The following TANC2 variants were observed in gnomAD, a reference collection of about 807,000 sequenced individuals.
TANC2 encodes tetratricopeptide repeat, ankyrin repeat and coiled-coil containing 2.
TANC2 carries 26 observed loss-of-function variants against 210.5 expected under a neutral mutation model. The observed-to-expected ratio is 0.12, with a 90% CI of 0.09 to 0.17. The LOEUF is 0.17. Among genes scored for constraint, TANC2 ranks in the 10% least tolerant of loss-of-function variants. The pLI, the probability that TANC2 is intolerant of heterozygous loss-of-function variation, is 1.00. For missense variants in TANC2, 2,129 were observed against 2,608.9 expected, an observed-to-expected ratio of 0.82 and a Z score of 4.01; for synonymous variants, 931 against 967.1, an observed-to-expected ratio of 0.96 and a Z score of 0.69.
rs183558444 is a variant in TANC2, at chr17:63,009,674, A to G, written c.67+48A>G. On this transcript the variant is annotated intron_variant, in intron 2 of 27. Coordinates refer to ENST00000689528, the Ensembl canonical transcript of TANC2. ...TTGTGCGTGATATTTTACAAATACA[A>G]GTTCTTTTAGGGTCCTGAATTAATG... The G allele has an allele frequency of 7.8e-6, 12 of 1,530,824 alleles. No homozygotes were observed. In the African/African-American group the frequency reaches 1.5e-4, roughly 19 times the overall value. 94.8% of individuals were successfully genotyped at this position (1,530,824 alleles called of 1,614,324 possible).
At chr17:63,393,888 A>G (rs950576055) in intron 17 of TANC2, among the ~76,000 whole-genome samples, 4 of 151,194 alleles carry the variant, frequency 2.6e-5, no homozygotes, top group Admixed American at 6.6e-5. Flanking sequence ...CTCCTGCCTC[A>G]CCCTCCGGAG....
intron 14 of TANC2, among the ~76,000 whole-genome samples, chr17:63,358,689 C>A (rs1290688977): frequency 3.3e-5 from 5 of 152,032 alleles, no homozygotes; most frequent in Non-Finnish European, 1.5e-5. Context: ...AGATGGAAAA[C>A]CTATTTGAGG....
At chr17:63,369,409 TTGGAATAGACAGGCTTTTATAC>T (rs1470803806) in intron 14 of TANC2, among the ~76,000 whole-genome samples, 3 of 152,142 alleles carry the variant, frequency 2.0e-5, no homozygotes. Context: ...AATGAGTGGT[TTGGAATAGACAGGCTTTTATAC>T]TGGAAGGCTG....
intron 5 of TANC2, among the ~76,000 whole-genome samples, chr17:63,158,125 G>A (rs186069063): frequency 6.6e-6 from 1 of 152,220 alleles, no homozygotes; most frequent in East Asian, 1.9e-4. Context: ...TTTCATAGTG[G>A]TGTCTAGTTC....
intron 2 of TANC2, among the ~76,000 whole-genome samples, chr17:63,061,937 T>C (rs1038752697): frequency 5.3e-5 from 8 of 152,180 alleles, no homozygotes; most frequent in Non-Finnish European, 1.0e-4. Flanking sequence ...TATAATTCTT[T>C]TCTGATTTCT....
chr17:63,268,904 C>G (rs1031387575), intron 9 of TANC2, among the ~76,000 whole-genome samples: 1 of 152,186 alleles, frequency 6.6e-6, no homozygotes, highest in Non-Finnish European at 1.5e-5. Flanking sequence ...TAGCTTTTAA[C>G]AGATAGTCTC....
At chr17:63,347,972 T>C (rs2046470001) in intron 12 of TANC2, among the ~76,000 whole-genome samples, 1 of 152,138 alleles carries the variant, frequency 6.6e-6, no homozygotes, top group South Asian at 2.1e-4. Flanking sequence ...CTCACGATGT[T>C]GCCCAGGCTG....
At chr17:63,039,645 A>C (rs2035105944) in intron 2 of TANC2, among the ~76,000 whole-genome samples, 1 of 152,214 alleles carries the variant, frequency 6.6e-6, no homozygotes, top group African/African-American at 2.4e-5. Context: ...GATAACCGTC[A>C]ATATGATCCA....
intron 8 of TANC2, among the ~76,000 whole-genome samples, chr17:63,258,542 G>C (rs908727159): frequency 3.3e-5 from 5 of 151,840 alleles, no homozygotes; most frequent in African/African-American, 9.7e-5. Flanking sequence ...TAGTGCAGTG[G>C]AGCGGGCACC....
intron 5 of TANC2, among the ~76,000 whole-genome samples, chr17:63,168,056 A>G (rs1255737748): frequency 6.6e-6 from 1 of 152,070 alleles, no homozygotes; most frequent in African/African-American, 2.4e-5. Flanking sequence ...CTTATGCCCT[A>G]GGTGAGTTAA....
chr17:63,286,694 T>A (rs556941521), intron 9 of TANC2, among the ~76,000 whole-genome samples: 1 of 152,352 alleles, frequency 6.6e-6, no homozygotes, highest in Admixed American at 6.5e-5. Flanking sequence ...TAAATGTATC[T>A]TCTTTCCCCC....
At chr17:63,325,421 A>G (rs2045617529) in intron 11 of TANC2, among the ~76,000 whole-genome samples, 1 of 152,136 alleles carries the variant, frequency 6.6e-6, no homozygotes, top group Admixed American at 6.5e-5. Flanking sequence ...GTCCTTCTTC[A>G]TGTCTCAGCT....
At chr17:62,997,059 C>A in intron 1 of TANC2, among the ~76,000 whole-genome samples, 1 of 147,772 alleles carries the variant, frequency 6.8e-6, no homozygotes, top group Non-Finnish European at 1.5e-5. Context: ...AGGTGATCTG[C>A]CCGCCATAGC....
intron 8 of TANC2, among the ~76,000 whole-genome samples, chr17:63,263,482 T>A (rs1426969945): frequency 6.6e-6 from 1 of 152,218 alleles, no homozygotes; most frequent in Non-Finnish European, 1.5e-5. Context: ...CTTTTGAAGC[T>A]TAAAGTACCA....
chr17:63,250,400 A>G (rs2043025750), intron 8 of TANC2, among the ~76,000 whole-genome samples: 1 of 152,002 alleles, frequency 6.6e-6, no homozygotes, highest in African/African-American at 2.4e-5. Flanking sequence ...TATCTTCCCA[A>G]TATAATGTTA....
At chr17:63,176,854 C>G (rs952302034) in intron 5 of TANC2, among the ~76,000 whole-genome samples, 1 of 149,492 alleles carries the variant, frequency 6.7e-6, no homozygotes, top group Non-Finnish European at 1.5e-5. Context: ...TTGCCTGGGA[C>G]TAGAGTTGAG....
chr17:63,369,697 G>A (rs903485400), intron 14 of TANC2, among the ~76,000 whole-genome samples: 2 of 151,860 alleles, frequency 1.3e-5, no homozygotes, highest in African/African-American at 4.8e-5. Flanking sequence ...GGGATTATAG[G>A]CATGTACCAC....
At chr17:63,240,424 A>G (rs2042743167) in intron 8 of TANC2, among the ~76,000 whole-genome samples, 1 of 152,132 alleles carries the variant, frequency 6.6e-6, no homozygotes, top group Admixed American at 6.5e-5. Flanking sequence ...ACTCCCCATT[A>G]TATTTTATGT....
intron 14 of TANC2, among the ~76,000 whole-genome samples, chr17:63,379,123 T>C (rs1293182442): frequency 6.6e-6 from 1 of 152,174 alleles, no homozygotes; most frequent in African/African-American, 2.4e-5. Flanking sequence ...GAATGAGAGT[T>C]GCTGACAGAG....
Sources: gnomAD v4.1 joint callset for allele counts (sites outside exome capture counted in the v4.1 genomes callset) on GRCh38, gnomAD v4.1.1 for gene constraint, MANE v1.5 for transcripts, NCBI Gene and HGNC (gene_info 2026-07-23, HGNC 2026-07-21) for gene names.